Variants in RAB6B observed in about 807,000 individuals in gnomAD.
RAB6B encodes the protein RAB6B, member RAS oncogene family.
In RAB6B, 7 loss-of-function variants were observed where a neutral mutation model predicts 31.2. The observed-to-expected ratio is 0.22, with a 90% CI of 0.13 to 0.42. RAB6B has a LOEUF of 0.42. Ranked by LOEUF, RAB6B falls within the 10% of genes least tolerant of loss-of-function variation. The pLI is 1.00. For synonymous variants in RAB6B, 105 were observed against 104.9 expected (o/e 1.00, Z -0.01); for missense variants, 149 against 280.6 (o/e 0.53, Z 3.35).
At position 133,895,553 on chromosome 3, in the gene RAB6B, C is replaced by G. The variant is rs919812995; in HGVS notation, c.-87G>C. 3.6e-6 allele frequency: 5 copies of G among 1,391,218 alleles called. No homozygotes were observed. In the African/African-American group the frequency reaches 7.2e-5, roughly 20 times the overall value. The allele number at this position is 1,391,218 out of a possible 1,614,324, so 86.2% of individuals were successfully genotyped here. On this transcript the variant is annotated 5_prime_UTR_variant, in exon 1 of 8. Transcript: ENST00000285208. The stretch of plus-strand genomic sequence containing the variant: ...GAGTAGGAGGGCGAGGGGAGGCGGC[C>G]GGCGGTGCGGGAGCCGGAGGGGGAA...
chr3:133,851,107 A>T (rs998187451), intron 2 of RAB6B, among the ~76,000 whole-genome samples: 1 of 152,182 alleles, frequency 6.6e-6, no homozygotes, highest in Non-Finnish European at 1.5e-5. Flanking sequence ...TTTTAGATAA[A>T]CAAAAACAAA....
At chr3:133,868,948 T>C (rs929626068) in intron 1 of RAB6B, among the ~76,000 whole-genome samples, 1 of 152,122 alleles carries the variant, frequency 6.6e-6, no homozygotes, top group East Asian at 1.9e-4. Context: ...GAGCACAGAT[T>C]TGAGCCAGAG....
chr3:133,865,014 T>C lies in RAB6B; in HGVS notation c.71-372A>G, dbSNP rs80026121. 8.7e-3 allele frequency among the ~76,000 whole-genome samples: 1,319 copies of C among 152,366 alleles called. 27 individuals carry two copies. The highest frequency in any genetic ancestry group is 0.031 in the African/African-American group (1,273 of 41,592). ...GCAAAACAGGAGGCTCCTCTCGTAC[T>C]TGCCCATGTACACCTTGTTGTTGGT... is the stretch of plus-strand genomic sequence containing the variant. On this transcript the variant is annotated intron_variant, in intron 1 of 7. Transcript: ENST00000285208.
intron 2 of RAB6B, among the ~76,000 whole-genome samples, chr3:133,845,271 CT>C (rs1935893602): frequency 6.6e-6 from 1 of 152,210 alleles, no homozygotes; most frequent in South Asian, 2.1e-4. Context: ...AAGGCACATC[CT>C]TTGGGGAAAG....
chr3:133,839,659 C>T, intron 4 of RAB6B, 42 bp from the exon 5 acceptor site: 1 of 1,456,890 alleles, frequency 6.9e-7, no homozygotes, highest in East Asian at 2.3e-5. Flanking sequence ...CCAGGGCCAG[C>T]CACCAGTGGG....
rs1184000535 is a variant in RAB6B at position 133,895,828 on chromosome 3, G to C, written c.-362C>G. On this transcript the variant is annotated 5_prime_UTR_variant, in exon 1 of 8. Coordinates refer to ENST00000285208, the MANE Select transcript of RAB6B (RefSeq NM_016577.4). The stretch of plus-strand genomic sequence containing the variant: ...GCGGGGCGGAGGAGCGCTCTCCAGA[G>C]CCGCGCCAGTCGGCCCCCTCCCGCC... The C allele has an allele frequency of 1.3e-5, 3 of 234,904 alleles. No homozygotes were observed. Among genetic ancestry groups the C allele is most frequent in the Admixed American group, 1.2e-4 (2 of 17,320 alleles). 14.6% of individuals were successfully genotyped at this position (234,904 alleles called of 1,614,324 possible).
Position 133,834,625 on chromosome 3 carries a change from G to A in RAB6B, c.512C>T (p.Ala171Val), listed in dbSNP as rs773916908. Residue 171 changes from alanine (A) to valine (V), a missense_variant, in exon 7 of 8, where the codon GCG becomes GTG. Physicochemically the swap from Ala to Val is moderately conservative, Grantham distance 64. Around this residue, in one of 2 missense-constraint regions of RAB6B, gnomAD observed 74 missense variants for 100.5 expected, o/e 0.74. Transcript: ENST00000285208. ...YNVKQLFRRV[A>V]SALPGMENVQ... Reference sequence around the variant, plus strand: ...ATTCTCCATTCCGGGTAGAGCCGACGCCACACGTCGAAAAAGCTGGAAAGA... The same window carrying A: ...ATTCTCCATTCCGGGTAGAGCCGACACCACACGTCGAAAAAGCTGGAAAGA... The A allele has an allele frequency of 7.4e-6, 12 of 1,614,078 alleles. No homozygotes were observed. Among genetic ancestry groups the A allele is most frequent in the East Asian group, 2.2e-5 (1 of 44,876 alleles).
intron 2 of RAB6B, among the ~76,000 whole-genome samples, chr3:133,859,145 A>G (rs1936124563): frequency 6.6e-6 from 1 of 152,106 alleles, no homozygotes; most frequent in Non-Finnish European, 1.5e-5. Context: ...TATACAACTA[A>G]TTTTTAAAAA....
intron 2 of RAB6B, among the ~76,000 whole-genome samples, chr3:133,854,166 T>C (rs1164325057): frequency 6.6e-6 from 1 of 152,192 alleles, no homozygotes; most frequent in East Asian, 1.9e-4. Flanking sequence ...ACCTTTGTGG[T>C]TGCAATCCCT....
In RAB6B at chr3:133,828,202, G is replaced by A; in HGVS notation, c.*586C>T. ...ACCCACTCTGGCCATGGAAAGACAA[G>A]AGTCAGAGCTACCTTTTCAGAGGCT... On this transcript the variant is annotated 3_prime_UTR_variant, in exon 8 of 8. Transcript: ENST00000285208. 1.7e-6 allele frequency: 1 copy of A among 574,214 alleles called. No individual in the cohort carries two copies. The highest frequency in any genetic ancestry group is 3.1e-6 in the Non-Finnish European group (1 of 322,670). The allele number at this position is 574,214 out of a possible 1,614,324, so 35.6% of individuals were successfully genotyped here.
chr3:133,859,623 C>T (rs1394089764), intron 2 of RAB6B, among the ~76,000 whole-genome samples: 1 of 152,218 alleles, frequency 6.6e-6, no homozygotes, highest in Admixed American at 6.5e-5. Context: ...ACCCCCTGGG[C>T]CACCTGAGAA....
intron 1 of RAB6B, among the ~76,000 whole-genome samples, chr3:133,879,947 T>G (rs1347128801): frequency 6.6e-6 from 1 of 152,236 alleles, no homozygotes; most frequent in African/African-American, 2.4e-5. Context: ...AGAGCTAGAC[T>G]GAAGCAGGCA....
chr3:133,852,379 T>C (rs1935999742), intron 2 of RAB6B, among the ~76,000 whole-genome samples: 2 of 152,300 alleles, frequency 1.3e-5, no homozygotes, highest in South Asian at 4.1e-4. Context: ...AGTCTCTATC[T>C]TGCTGGTAAC....
chr3:133,866,382 G>T (rs1237714773), intron 1 of RAB6B, among the ~76,000 whole-genome samples: 1 of 152,086 alleles, frequency 6.6e-6, no homozygotes, highest in Non-Finnish European at 1.5e-5. Flanking sequence ...TCCTTGATAG[G>T]TCATGCTGGG....
At position 133,862,644 on chromosome 3, in the gene RAB6B, G is replaced by A. The variant is rs375513988; in HGVS notation, c.129+1940C>T. ...CAGTGTCACTCCAAGGGCAGTAGGAGCAGGGAAGTCGGCTGGACCACAGGA... is the reference window on the plus strand; with the variant it reads ...CAGTGTCACTCCAAGGGCAGTAGGAACAGGGAAGTCGGCTGGACCACAGGA... On this transcript the variant is annotated intron_variant, in intron 2 of 7. Transcript: ENST00000285208. Among the ~76,000 whole-genome samples, 4 of 152,194 alleles carry A rather than the reference G, an allele frequency of 2.6e-5. No homozygotes were observed. The East Asian group carries it at 5.8e-4, about 22-fold the overall frequency.
intron 2 of RAB6B, among the ~76,000 whole-genome samples, chr3:133,844,857 G>A (rs114939687): frequency 4.1e-4 from 63 of 151,974 alleles, no homozygotes; most frequent in African/African-American, 1.4e-3. Context: ...GGGAAGAATC[G>A]CTTGAGGCTG....
At chr3:133,871,735 C>T (rs1454095562) in intron 1 of RAB6B, among the ~76,000 whole-genome samples, 5 of 152,252 alleles carry the variant, frequency 3.3e-5, no homozygotes, top group African/African-American at 4.8e-5. Context: ...AGAGCACAGA[C>T]ATTAGCCAGA....
In RAB6B at chr3:133,889,413, TATATATATATATATATATATATATA is replaced by T. The variant is rs1936601880; in HGVS notation, c.70+5959_70+5983del. 5.6e-5 allele frequency among the ~76,000 whole-genome samples: 3 copies of T among 53,356 alleles called. 1 individual carries two copies. The highest frequency in any genetic ancestry group is 2.5e-4 in the African/African-American group (3 of 12,086). The allele number at this position is 53,356 out of a possible 152,430, so 35.0% of individuals were successfully genotyped here. On this transcript the variant is annotated intron_variant, in intron 1 of 7. Coordinates refer to ENST00000285208, the MANE Select transcript of RAB6B (RefSeq NM_016577.4). The stretch of plus-strand genomic sequence containing the variant: ...TTATATATATATATATATATATATA[TATATATATATATATATATATATATA>T]TATATATTTATTTTGGGATGGAGTT...
chr3:133,848,031 C>T (rs748365061), intron 2 of RAB6B, among the ~76,000 whole-genome samples: 1 of 152,196 alleles, frequency 6.6e-6, no homozygotes, highest in African/African-American at 2.4e-5. Flanking sequence ...CCAGGACTTA[C>T]CCCTGTTCTG....
Sources: gnomAD v4.1 joint callset for allele counts (sites outside exome capture counted in the v4.1 genomes callset) on GRCh38, gnomAD v4.1.1 for gene constraint, gnomAD v4.1.1 regional missense constraint, MANE v1.5 for transcripts, NCBI Gene and HGNC (gene_info 2026-07-23, HGNC 2026-07-21) for gene names.